Variants in LRMDA observed in about 807,000 individuals in gnomAD.
The protein encoded by LRMDA is leucine rich melanocyte differentiation associated.
Under a neutral mutation model 29.8 loss-of-function variants are expected in LRMDA, and 18 were observed. The observed-to-expected ratio is 0.60, with a 90% CI of 0.42 to 0.90. LRMDA has a LOEUF of 0.90. LRMDA is among the 40% of genes least tolerant of loss of function. LRMDA has a pLI of 0.00. For missense variants in LRMDA, 273 were observed against 273.9 expected, an observed-to-expected ratio of 1.00 and a Z score of 0.02; for synonymous variants, 125 against 109.4, an observed-to-expected ratio of 1.14 and a Z score of -0.89.
chr10:75,662,056 C>A (rs180764628), intron 2 of LRMDA, among the ~76,000 whole-genome samples: 1 of 151,650 alleles, frequency 6.6e-6, no homozygotes, highest in East Asian at 1.9e-4. Context: ...AAACTGAGGA[C>A]CTTTTCTTTT....
At chr10:75,917,923 C>T (rs913089255) in intron 2 of LRMDA, among the ~76,000 whole-genome samples, 3 of 151,512 alleles carry the variant, frequency 2.0e-5, no homozygotes, top group Admixed American at 6.6e-5. Context: ...CTGTGGTGGT[C>T]GGTGCACACA....
rs117510911 is a variant in LRMDA, at chr10:75,789,023, T to C, written c.132-246985T>C. 3.8e-4 allele frequency among the ~76,000 whole-genome samples: 58 copies of C among 152,336 alleles called. 1 individual carries two copies. The East Asian group carries it at 8.7e-3, about 23-fold the overall frequency. The stretch of plus-strand genomic sequence containing the variant: ...GGGTATGTGCCCTCTGCTTAACTCT[T>C]TATAAAGAACACTCACCAGATGTCT... On this transcript the variant is annotated intron_variant, in intron 2 of 6. Transcript: ENST00000611255.
chr10:75,842,586 G>T (rs1844560191), intron 2 of LRMDA, among the ~76,000 whole-genome samples: 1 of 152,218 alleles, frequency 6.6e-6, no homozygotes, highest in Non-Finnish European at 1.5e-5. Flanking sequence ...AAATAAAAGA[G>T]AATTTTAAAA....
intron 2 of LRMDA, among the ~76,000 whole-genome samples, chr10:75,770,238 T>A (rs1292662852): frequency 1.3e-5 from 2 of 150,416 alleles, no homozygotes; most frequent in African/African-American, 4.9e-5. Flanking sequence ...TGGCATTGAG[T>A]TCTGATCTCA....
At chr10:75,565,766 G>A (rs12253839) in intron 2 of LRMDA, among the ~76,000 whole-genome samples, 2,251 of 152,244 alleles carry the variant, frequency 0.015, 61 homozygotes, top group African/African-American at 0.052. Context: ...AAATCATTGG[G>A]GTCATGTATG....
intron 6 of LRMDA, among the ~76,000 whole-genome samples, chr10:76,481,047 C>T (rs1262360472): frequency 2.6e-5 from 4 of 151,800 alleles, no homozygotes; most frequent in Non-Finnish European, 4.4e-5. Context: ...TTATTTGTAG[C>T]TTATTGATAT....
chr10:76,291,340 T>G (rs139273795), intron 5 of LRMDA, among the ~76,000 whole-genome samples: 113 of 152,362 alleles, frequency 7.4e-4, no homozygotes, highest in African/African-American at 2.6e-3. Flanking sequence ...TTCATACACA[T>G]GATGTCATAA....
At chr10:76,165,728 C>T (rs1030866070) in intron 5 of LRMDA, among the ~76,000 whole-genome samples, 1 of 152,134 alleles carries the variant, frequency 6.6e-6, no homozygotes, top group African/African-American at 2.4e-5. Context: ...CTTATAAAAC[C>T]ACCAGATATC....
At chr10:75,837,159 G>A (rs1370643480) in intron 2 of LRMDA, among the ~76,000 whole-genome samples, 1 of 152,102 alleles carries the variant, frequency 6.6e-6, no homozygotes, top group Non-Finnish European at 1.5e-5. Context: ...GATGTATAAG[G>A]CTTGAAACTC....
chr10:76,204,360 CA>C (rs1851496246), intron 5 of LRMDA, among the ~76,000 whole-genome samples: 3 of 152,188 alleles, frequency 2.0e-5, no homozygotes, highest in African/African-American at 4.8e-5. Context: ...ATCTCTATTC[CA>C]TGTGCCCATC....
chr10:76,154,949 T>C (rs536063485), intron 5 of LRMDA, among the ~76,000 whole-genome samples: 1 of 152,284 alleles, frequency 6.6e-6, no homozygotes, highest in African/African-American at 2.4e-5. Context: ...TCATTCTTCT[T>C]AAGGACATTG....
intron 2 of LRMDA, among the ~76,000 whole-genome samples, chr10:76,001,374 A>G (rs1463680750): frequency 1.4e-4 from 22 of 152,198 alleles, no homozygotes; most frequent in Admixed American, 1.4e-3. Flanking sequence ...AAGCCCCATC[A>G]CACAGCGTAT....
chr10:76,351,048 TACA>T (rs376599034), intron 6 of LRMDA, among the ~76,000 whole-genome samples: 9 of 152,166 alleles, frequency 5.9e-5, no homozygotes, highest in African/African-American at 1.7e-4. Context: ...TGAAAAATGG[TACA>T]ACAAGAAAGA....
intron 2 of LRMDA, among the ~76,000 whole-genome samples, chr10:75,949,252 G>A (rs766898298): frequency 1.2e-4 from 19 of 152,176 alleles, no homozygotes; most frequent in Admixed American, 4.6e-4. Context: ...CGTTAGTAGG[G>A]CATTGTTTTG....
At chr10:76,032,731 A>G (rs1848170561) in intron 2 of LRMDA, among the ~76,000 whole-genome samples, 1 of 152,036 alleles carries the variant, frequency 6.6e-6, no homozygotes, top group South Asian at 2.1e-4. Context: ...AGGTTTCCAG[A>G]ACAATCCAGG....
At chr10:76,001,629 C>A (rs1847564450) in intron 2 of LRMDA, among the ~76,000 whole-genome samples, 1 of 151,394 alleles carries the variant, frequency 6.6e-6, no homozygotes, top group African/African-American at 2.4e-5. Flanking sequence ...TTATTATTTT[C>A]ATTTATTATA....
At chr10:76,137,281 T>C (rs997036756) in intron 5 of LRMDA, among the ~76,000 whole-genome samples, 1 of 152,230 alleles carries the variant, frequency 6.6e-6, no homozygotes, top group Non-Finnish European at 1.5e-5. Context: ...TGTCTCTAGC[T>C]ATAATCGGCT....
intron 2 of LRMDA, among the ~76,000 whole-genome samples, chr10:75,909,609 A>G (rs1465950360): frequency 6.6e-6 from 1 of 152,172 alleles, no homozygotes; most frequent in East Asian, 1.9e-4. Flanking sequence ...TGGTAGGTGA[A>G]TAGTTTATTC....
At chr10:75,881,294 A>G (rs1351249146) in intron 2 of LRMDA, among the ~76,000 whole-genome samples, 1 of 152,170 alleles carries the variant, frequency 6.6e-6, no homozygotes, top group Non-Finnish European at 1.5e-5. Flanking sequence ...GGTGAAGGTC[A>G]TTAATTATAA....
Sources: gnomAD v4.1 joint callset for allele counts (sites outside exome capture counted in the v4.1 genomes callset) on GRCh38, gnomAD v4.1.1 for gene constraint, MANE v1.5 for transcripts, NCBI Gene and HGNC (gene_info 2026-07-23, HGNC 2026-07-21) for gene names.